The following PRKG2 variants were observed in gnomAD, a reference collection of about 807,000 sequenced individuals.
PRKG2 encodes the protein protein kinase cGMP-dependent 2.
A neutral mutation model predicts 97.2 loss-of-function variants in PRKG2; 33 were observed. The observed-to-expected ratio is 0.34, with a 90% CI of 0.26 to 0.45. The LOEUF (loss-of-function observed/expected upper bound fraction) is 0.45, where lower values mean the gene tolerates loss of function less well. PRKG2 is among the 20% of genes least tolerant of loss of function. The probability of loss-of-function intolerance (pLI) is 1.00; values close to 1 mark genes in which losing one functional copy is unlikely to be tolerated. For missense variants in PRKG2, 638 were observed against 900.0 expected (o/e 0.71, Z 3.73); for synonymous variants, 330 against 321.8 (o/e 1.03, Z -0.27).
intron 2 of PRKG2, among the ~76,000 whole-genome samples, chr4:81,196,697 C>T (rs1383544641): frequency 6.6e-6 from 1 of 151,634 alleles, no homozygotes; most frequent in Non-Finnish European, 1.5e-5. Flanking sequence ...TGATGACTCG[C>T]ATTTTATTAT....
At chr4:81,187,894 C>T (rs569925952) in intron 2 of PRKG2, among the ~76,000 whole-genome samples, 1,605 of 152,034 alleles carry the variant, frequency 0.011, 28 homozygotes, top group African/African-American at 0.036. Context: ...AAGACTTAAA[C>T]GTTAGACCTA....
intron 13 of PRKG2, among the ~76,000 whole-genome samples, chr4:81,137,070 C>T (rs1746779185): frequency 6.6e-6 from 1 of 151,296 alleles, no homozygotes; most frequent in African/African-American, 2.4e-5. Context: ...TTGTTTATCA[C>T]ACTGCTTCTG....
rs1444179826 is a variant in PRKG2 at position 81,174,951 on chromosome 4, T to C, written c.470A>G (p.Lys157Arg). 6.2e-7 allele frequency: 1 copy of C among 1,605,052 alleles called. No homozygotes were observed. The highest frequency in any genetic ancestry group is 8.5e-7 in the Non-Finnish European group (1 of 1,175,076). ...TTTATTAAGGGCATCTGTAATGAGC[T>C]TCTTCTCACTGGTATAATGGAAAAG... ...ARVRKDSSEK[K>R]LITDALNKNQ... The change falls in exon 3 of 19, where the codon AAG becomes AGG. Residue 157 changes from lysine (K) to arginine (R), a missense_variant. Lys to Arg is a conservative substitution (Grantham distance 26). Transcript: ENST00000264399.
At chr4:81,164,505 G>A (rs1199786709) in intron 6 of PRKG2, among the ~76,000 whole-genome samples, 2 of 151,944 alleles carry the variant, frequency 1.3e-5, no homozygotes, top group African/African-American at 4.8e-5. Flanking sequence ...AGAAAGACTA[G>A]ACTTGAAAAA....
At chr4:81,170,892 A>C (rs940053287) in intron 4 of PRKG2, among the ~76,000 whole-genome samples, 4 of 152,142 alleles carry the variant, frequency 2.6e-5, no homozygotes, top group African/African-American at 9.7e-5. Context: ...AGATGAGCCA[A>C]AGGCATGTGT....
At chr4:81,119,165 T>G (rs1201542311) in intron 14 of PRKG2, among the ~76,000 whole-genome samples, 1 of 152,210 alleles carries the variant, frequency 6.6e-6, no homozygotes, top group Non-Finnish European at 1.5e-5. Context: ...CCTTTGGTGT[T>G]GTATCTAAAA....
chr4:81,175,438 T>C (rs974749768), intron 2 of PRKG2: 10 of 152,320 alleles, frequency 6.6e-5, no homozygotes, highest in African/African-American at 2.4e-4. Context: ...ACTATTCCTA[T>C]TTTAGGAAGA....
At chr4:81,193,632 G>T (rs1428063483) in intron 2 of PRKG2, among the ~76,000 whole-genome samples, 1 of 152,044 alleles carries the variant, frequency 6.6e-6, no homozygotes, top group East Asian at 1.9e-4. Flanking sequence ...CTGAGGTCAG[G>T]AGTTCTAGAC....
In PRKG2 at chr4:81,110,630, G is replaced by T. The variant is rs2109980976; in HGVS notation, c.1777-19C>A. 1 of 1,612,850 alleles carries T rather than the reference G, an allele frequency of 6.2e-7. No individual in the cohort carries two copies. Among genetic ancestry groups the T allele is most frequent in the East Asian group, 2.2e-5 (1 of 44,822 alleles). On this transcript the variant is annotated intron_variant, in intron 14 of 18. Coordinates refer to ENST00000264399, the MANE Select transcript of PRKG2 (RefSeq NM_006259.3). ...AGTCAACCTGGTAAAGAATAGCAAA[G>T]AAATTGTGCAGAAACCATAAAACTC...
At chr4:81,168,916 C>T (rs74287338) in intron 5 of PRKG2, among the ~76,000 whole-genome samples, 16,549 of 151,774 alleles carry the variant, frequency 0.11, 1,100 homozygotes, top group Middle Eastern at 0.21. Context: ...ATTATTATTA[C>T]ATATCATAGA....
At chr4:81,154,702 A>C (rs1490474196) in intron 6 of PRKG2, among the ~76,000 whole-genome samples, 2 of 152,300 alleles carry the variant, frequency 1.3e-5, no homozygotes, top group South Asian at 2.1e-4. Context: ...AACTCTAAAA[A>C]GCAGAGCGCC....
chr4:81,204,887 A>C lies in PRKG2; in HGVS notation c.161T>G (p.Leu54Arg). ...IQEREYHLKELREQLSKQTVA... is the reference protein window; with the variant it reads ...IQEREYHLKERREQLSKQTVA... The stretch of plus-strand genomic sequence containing the variant: ...AGTCTGCTTCGACAGCTGCTCCCGC[A>C]GCTCCTTCAAATGGTACTCCCGCTC... The change falls in exon 2 of 19, where the codon CTG (leucine) becomes CGG (arginine). Residue 54 changes from leucine (L) to arginine (R), a missense_variant. Physicochemically the swap from Leu to Arg is moderately radical, Grantham distance 102. This residue lies in a region of PRKG2 where 332 missense variants were observed against 421.7 expected (regional missense o/e 0.79). Transcript: ENST00000264399. The C allele has an allele frequency of 6.2e-7, 1 of 1,614,162 alleles. No individual in the cohort carries two copies. The highest frequency in any genetic ancestry group is 8.5e-7 in the Non-Finnish European group (1 of 1,180,034).
At chr4:81,119,795 C>T (rs1350800878) in intron 14 of PRKG2, among the ~76,000 whole-genome samples, 1 of 151,934 alleles carries the variant, frequency 6.6e-6, no homozygotes, top group Non-Finnish European at 1.5e-5. Context: ...CTGCCTCAGC[C>T]TCCCGAGTAG....
chr4:81,137,236 T>C (rs368692745), intron 13 of PRKG2, among the ~76,000 whole-genome samples, 157 bp downstream of exon 13: 52 of 152,368 alleles, frequency 3.4e-4, no homozygotes, highest in African/African-American at 9.4e-4. Context: ...GTTACGGCAC[T>C]ATTGTAGCAT....
At chr4:81,096,747 T>C (rs990803551) in intron 17 of PRKG2, among the ~76,000 whole-genome samples, 1 of 152,218 alleles carries the variant, frequency 6.6e-6, no homozygotes, top group Non-Finnish European at 1.5e-5. Context: ...AGTTTCATCA[T>C]TAGATTGCAA....
intron 7 of PRKG2, among the ~76,000 whole-genome samples, chr4:81,152,939 T>G (rs1274813595): frequency 1.3e-5 from 2 of 152,182 alleles, no homozygotes; most frequent in Non-Finnish European, 2.9e-5. Context: ...GACTCCCTGA[T>G]GGTAAACCCT....
chr4:81,140,412 T>TA lies in PRKG2; in HGVS notation c.1544+120dup, dbSNP rs1254231865. The TA allele has an allele frequency of 4.8e-6, 4 of 838,864 alleles. No homozygotes were observed. In the African/African-American group the frequency reaches 7.0e-5, roughly 15 times the overall value. 52.0% of individuals were successfully genotyped at this position (838,864 alleles called of 1,614,324 possible). On this transcript the variant is annotated intron_variant, in intron 12 of 18. Transcript: ENST00000264399. The stretch of plus-strand genomic sequence containing the variant: ...GTATCAAAACATTTCATGTACCCCA[T>TA]AAATATATATGCCTACTATGTACCC...
chr4:81,204,967 C>G lies in PRKG2; in HGVS notation c.81G>C (p.Arg27=), dbSNP rs17484474. ...CTCTCTCCAGCTCTGTCACCTTGTT[C>G]CGCAGAGCATCAGTGGTGAGGTTCC... ...HSGNLTTDAL[R]NKVTELEREL... is the part of the protein sequence containing the mutation. The change falls in exon 2 of 19, where the codon CGG becomes CGC. Residue 27 remains arginine, a synonymous_variant. Coordinates refer to ENST00000264399, the MANE Select transcript of PRKG2 (RefSeq NM_006259.3). The G allele has an allele frequency of 0.032, 51,748 of 1,614,092 alleles. 998 individuals are homozygous for G. The highest frequency in any genetic ancestry group is 0.038 in the Non-Finnish European group (44,372 of 1,179,998).
intron 8 of PRKG2, among the ~76,000 whole-genome samples, chr4:81,151,316 T>A (rs991224783): frequency 5.3e-5 from 8 of 152,122 alleles, no homozygotes; most frequent in Non-Finnish European, 1.2e-4. Context: ...AAGTTATTTA[T>A]ATTTAGGAAA....
Sources: allele counts gnomAD v4.1 joint callset (sites outside exome capture counted in the v4.1 genomes callset), GRCh38; gene constraint gnomAD v4.1.1; regional missense constraint gnomAD v4.1.1; transcripts MANE v1.5; gene names NCBI Gene and HGNC (gene_info 2026-07-23, HGNC 2026-07-21).